Variants in GIT2 observed in about 807,000 individuals in gnomAD.
GIT2 encodes the protein ARF GTPase-activating protein GIT2.
GIT2 carries 32 observed loss-of-function variants against 100.3 expected under a neutral mutation model. The observed-to-expected ratio is 0.32, with a 90% CI of 0.24 to 0.43. The LOEUF is 0.43. Ranked by LOEUF, GIT2 falls within the 20% of genes least tolerant of loss-of-function variation. The pLI, the probability that GIT2 is intolerant of heterozygous loss-of-function variation, is 1.00. For synonymous variants in GIT2, 353 were observed against 364.1 expected (o/e 0.97, Z 0.35); for missense variants, 737 against 975.1 (o/e 0.76, Z 3.25).
At chr12:109,999,537 G>A (rs1252130272), upstream of GIT2, 10 of 445,524 alleles carry the variant, frequency 2.2e-5, no homozygotes, top group East Asian at 3.8e-4. This position sits in a 1 kb window ranked among gnomAD's most constrained non-coding sequence, Gnocchi z 4.3. Flanking sequence ...CCTCCCGCGC[G>A]CCCCGCACCC....
rs568251431 is a variant in GIT2, at chr12:109,933,852, C to T, written c.2067+170G>A. On this transcript the variant is annotated intron_variant, in intron 19 of 19. Coordinates refer to ENST00000355312, the MANE Select transcript of GIT2 (RefSeq NM_057169.5). The surrounding 1 kb of genome is among the most constrained non-coding windows in gnomAD (Gnocchi z 4.5). ...CCGACCTCAGGTGATCTGCCTGTCT[C>T]GGCCTCCCAAAGTGCTGGGGTTACA... 10 of 593,946 alleles carry T rather than the reference C, an allele frequency of 1.7e-5. No homozygotes were observed. The highest frequency in any genetic ancestry group is 9.0e-5 in the East Asian group (3 of 33,402). 36.8% of individuals were successfully genotyped at this position (593,946 alleles called of 1,614,324 possible).
intron 12 of GIT2, among the ~76,000 whole-genome samples, chr12:109,957,232 C>G (rs962558790): frequency 5.9e-5 from 9 of 151,938 alleles, no homozygotes; most frequent in Admixed American, 5.9e-4. Flanking sequence ...CTATTAGTTC[C>G]TGCTAGGACC....
Position 109,980,989 on chromosome 12 carries a change from C to G in GIT2, c.681G>C (p.Thr227=). ...CACAGAGATAGAAGGCTAGTCTGTC[C>G]GTTAGCTCATACTGTATTTCCACGA... ...ERLVEIQYEL[T]DRLAFYLCGR... The change falls in exon 7 of 20, where the codon ACG becomes ACC. Residue 227 remains threonine (T), a synonymous_variant. Coordinates refer to ENST00000355312, the MANE Select transcript of GIT2 (RefSeq NM_057169.5). The G allele has an allele frequency of 6.2e-7, 1 of 1,612,650 alleles. No homozygotes were observed.
rs890743123 is a variant in GIT2, at chr12:109,931,192, G to A, written c.*1786C>T. The A allele has an allele frequency of 6.6e-6, 1 of 152,280 alleles. No homozygotes were observed. The highest frequency in any genetic ancestry group is 2.4e-5 in the African/African-American group (1 of 41,462). 9.4% of individuals were successfully genotyped at this position (152,280 alleles called of 1,614,324 possible). A position where few individuals can be genotyped will look rare whatever the true frequency, so the allele number is the denominator to read the frequency against. ...AGCTTAGTTATTAGCATGTATTGAG[G>A]CAACTTGTACTTTGATTCTTGTGTC... is the stretch of plus-strand genomic sequence containing the variant. On this transcript the variant is annotated 3_prime_UTR_variant, in exon 20 of 20. Coordinates refer to ENST00000355312, the MANE Select transcript of GIT2 (RefSeq NM_057169.5).
intron 7 of GIT2, 89 bp from the exon 8 acceptor site, chr12:109,967,592 T>C: frequency 2.2e-6 from 2 of 922,268 alleles, no homozygotes; most frequent in Non-Finnish European, 1.8e-6. Context: ...CAAACTAAGT[T>C]TTGCGATTAG....
chr12:109,990,337 A>AAAC lies in GIT2; in HGVS notation c.187-538_187-536dup, dbSNP rs1434387531. 3.3e-5 allele frequency among the ~76,000 whole-genome samples: 5 copies of AAAC among 152,240 alleles called. No individual in the cohort carries two copies. The East Asian group carries it at 9.6e-4, about 29-fold the overall frequency. On this transcript the variant is annotated intron_variant, in intron 2 of 19. Transcript: ENST00000355312. ...GCTTTAGGGTCAACCCTGGCATTCT[A>AAAC]AACAACTCATCTCTGGACTTTACTG...
In GIT2 at chr12:109,932,993, T is replaced by C. The variant is rs1413119579; in HGVS notation, c.2265A>G (p.Lys755=). 1 of 1,607,584 alleles carries C rather than the reference T, an allele frequency of 6.2e-7. No homozygotes were observed. Among genetic ancestry groups the C allele is most frequent in the African/African-American group, 1.3e-5 (1 of 74,790 alleles). The change falls in exon 20 of 20, where the codon AAA becomes AAG. Residue 755 remains lysine (K), a synonymous_variant. Transcript: ENST00000355312. ...AAKQLVTITT[K]ENNN ...CCTGCCCTTGTCAGTTGTTGTTCTC[T>C]TTGGTGGTGATGGTAACCAGCTGCT...
intron 9 of GIT2, 91 bp from the exon 10 acceptor site, chr12:109,961,776 T>A (rs966208294): frequency 8.9e-6 from 7 of 786,476 alleles, no homozygotes; most frequent in Non-Finnish European, 1.4e-5. Context: ...TTTTATTGCC[T>A]ACGTCTTATC....
chr12:109,999,417 C>T (rs1889815443), upstream of GIT2: 3 of 193,834 alleles, frequency 1.5e-5, no homozygotes, highest in Non-Finnish European at 3.1e-5. The surrounding 1 kb of genome is among the most constrained non-coding windows in gnomAD (Gnocchi z 4.3). Context: ...CTGTTTGGGG[C>T]AGTTAGGTCC....
chr12:109,939,682 A>AAAATAAAATAAAT (rs1555222499), intron 16 of GIT2: 1 of 140,312 alleles, frequency 7.1e-6, no homozygotes, highest in East Asian at 2.0e-4. Flanking sequence ...AAAAATAAAT[A>AAAATAAAATAAAT]AAATAAATAA....
chr12:109,939,727 AAATC>A lies in GIT2; in HGVS notation c.1732-484_1732-481del, dbSNP rs1022966084. 10 of 145,166 alleles carry A rather than the reference AAATC, an allele frequency of 6.9e-5. No homozygotes were observed. In the South Asian group the frequency reaches 2.1e-3, roughly 31 times the overall value. The allele number at this position is 145,166 out of a possible 1,614,324, so 9.0% of individuals were successfully genotyped here. On this transcript the variant is annotated intron_variant, in intron 16 of 19. Transcript: ENST00000355312. ...TAAATAAATAAATAAATAAATAAATAAATCAGCCAGGCATGGTAGCATGAACCTG... is the reference window on the plus strand; with the variant it reads ...TAAATAAATAAATAAATAAATAAATAAGCCAGGCATGGTAGCATGAACCTG...
chr12:109,940,236 T>C (rs1874291032), intron 16 of GIT2: 1 of 152,236 alleles, frequency 6.6e-6, no homozygotes, highest in Admixed American at 6.5e-5. Context: ...GTGACGAAAT[T>C]TGAAGGGGAC....
intron 16 of GIT2, chr12:109,939,464 G>A: frequency 2.3e-6 from 1 of 425,634 alleles, no homozygotes; most frequent in Non-Finnish European, 4.4e-6. Flanking sequence ...TAGCTCAGTG[G>A]CCACTTCCTA....
intron 4 of GIT2, among the ~76,000 whole-genome samples, chr12:109,988,196 G>A (rs892195561): frequency 1.3e-5 from 2 of 152,162 alleles, no homozygotes; most frequent in Admixed American, 1.3e-4. Context: ...GCCTTCCAGA[G>A]ACTTACTTTT....
chr12:109,982,498 C>A (rs1474706786), intron 6 of GIT2: 3 of 152,074 alleles, frequency 2.0e-5, no homozygotes, highest in African/African-American at 7.2e-5. Context: ...TTGTGCTTCA[C>A]AGTTAATAAA....
At chr12:109,988,848 CAAAAAA>C (rs59956597) in intron 4 of GIT2, 109 bp downstream of exon 4, 529 of 204,572 alleles carry the variant, frequency 2.6e-3, no homozygotes, top group South Asian at 3.4e-3. Flanking sequence ...GACTCTGTCT[CAAAAAA>C]AAAAAAAAAA....
At chr12:109,958,386 C>T (rs1207609311) in intron 12 of GIT2, among the ~76,000 whole-genome samples, 24 of 152,010 alleles carry the variant, frequency 1.6e-4, no homozygotes, top group East Asian at 7.7e-4. Flanking sequence ...GGATTATACG[C>T]GCGTACCACC....
chr12:109,986,615 A>T (rs1770761996), intron 4 of GIT2, among the ~76,000 whole-genome samples: 1 of 152,232 alleles, frequency 6.6e-6, no homozygotes, highest in East Asian at 1.9e-4. Flanking sequence ...ATACAAAAAA[A>T]TTAGCCGGGT....
At chr12:110,000,117 G>C (rs1889874355), upstream of GIT2, among the ~76,000 whole-genome samples, 1 of 152,192 alleles carries the variant, frequency 6.6e-6, no homozygotes, top group African/African-American at 2.4e-5. Context: ...ATTTTAACTC[G>C]GGCCGGCTGG....
Sources: allele counts gnomAD v4.1 joint callset (sites outside exome capture counted in the v4.1 genomes callset), GRCh38; gene constraint gnomAD v4.1.1; non-coding constraint Gnocchi (gnomAD v3.1); transcripts MANE v1.5; gene names NCBI Gene and HGNC (gene_info 2026-07-23, HGNC 2026-07-21).